Variants in STN1 observed in about 807,000 individuals in gnomAD.
STN1 encodes STN1 subunit of CST complex.
Under a neutral mutation model 45.5 loss-of-function variants are expected in STN1, and 29 were observed. The ratio of observed to expected loss-of-function variants is 0.64; its 90% confidence interval spans 0.47 to 0.87. STN1 has a LOEUF of 0.87. Among genes scored for constraint, STN1 ranks in the 40% least tolerant of loss-of-function variants. The pLI is 0.00. For synonymous variants in STN1, 148 were observed against 159.0 expected, an observed-to-expected ratio of 0.93 and a Z score of 0.52; for missense variants, 376 against 441.4, an observed-to-expected ratio of 0.85 and a Z score of 1.33.
At chr10:103,903,015 T>C (rs1843219144) in intron 4 of STN1, among the ~76,000 whole-genome samples, 1 of 152,234 alleles carries the variant, frequency 6.6e-6, no homozygotes, top group African/African-American at 2.4e-5. Flanking sequence ...AAGAATTATA[T>C]ATTCCTGATG....
rs531345594 is a variant in STN1 at position 103,881,674 on chromosome 10, G to A, written c.*1010C>T. 3.3e-5 allele frequency among the ~76,000 whole-genome samples: 5 copies of A among 152,314 alleles called. No individual in the cohort carries two copies. The highest frequency in any genetic ancestry group is 3.4e-3 in the Middle Eastern group (1 of 294). On this transcript the variant is annotated 3_prime_UTR_variant, in exon 10 of 10. Transcript: ENST00000224950. ...CACATCAAGAGCAAATGCAGCAGACGAAGGCAGTGCCTTCTGTGAAATGAC... is the reference window on the plus strand; with the variant it reads ...CACATCAAGAGCAAATGCAGCAGACAAAGGCAGTGCCTTCTGTGAAATGAC...
Position 103,880,436 on chromosome 10 carries a change from C to CAGA in STN1, c.*2247_*2248insTCT, listed in dbSNP as rs542106549. ...ACCAGCAATCTGGTCTTTTAGCCTT[C>CAGA]AGGCTGATCTTTGCTTGAACGTGGG... On this transcript the variant is annotated 3_prime_UTR_variant, in exon 10 of 10. Transcript: ENST00000224950. Among the ~76,000 whole-genome samples the CAGA allele has an allele frequency of 2.8e-4, 43 of 152,340 alleles. 2 individuals carry two copies. In the South Asian group the frequency reaches 8.7e-3, roughly 31 times the overall value.
At position 103,882,028 on chromosome 10, in the gene STN1, C is replaced by T. The variant is rs1421299737; in HGVS notation, c.*656G>A. Among the ~76,000 whole-genome samples, 1 of 152,234 alleles carries T rather than the reference C, an allele frequency of 6.6e-6. No homozygotes were observed. Among genetic ancestry groups the T allele is most frequent in the East Asian group, 1.9e-4 (1 of 5,202 alleles). ...AAGTGCAGGGAAATGTACTGGGACACCTTTCGATTCCCAAGGAAATAAAAG... is the reference window on the plus strand; with the variant it reads ...AAGTGCAGGGAAATGTACTGGGACATCTTTCGATTCCCAAGGAAATAAAAG... On this transcript the variant is annotated 3_prime_UTR_variant, in exon 10 of 10. Coordinates refer to ENST00000224950, the MANE Select transcript of STN1 (RefSeq NM_024928.5).
chr10:103,913,550 TGAG>T (rs1439226896), intron 2 of STN1, among the ~76,000 whole-genome samples: 2 of 151,656 alleles, frequency 1.3e-5, no homozygotes, highest in Admixed American at 1.3e-4. Context: ...GAAAAGCAAC[TGAG>T]GAGGAAATAC....
At chr10:103,906,986 C>T (rs778491291) in intron 3 of STN1, among the ~76,000 whole-genome samples, 10 of 152,102 alleles carry the variant, frequency 6.6e-5, no homozygotes, top group African/African-American at 1.2e-4. Context: ...AAGCCAGGTG[C>T]GGTGGCACAT....
intron 4 of STN1, among the ~76,000 whole-genome samples, chr10:103,901,477 TCA>T: frequency 6.6e-6 from 1 of 152,352 alleles, no homozygotes; most frequent in South Asian, 2.1e-4. Context: ...GACGTGAATC[TCA>T]GTTTACCTCC....
intron 4 of STN1, among the ~76,000 whole-genome samples, chr10:103,900,467 A>G (rs947332954): frequency 3.9e-5 from 6 of 152,208 alleles, no homozygotes; most frequent in Non-Finnish European, 7.4e-5. Context: ...CCAGCGGGCA[A>G]GTTCCGACAG....
chr10:103,893,584 G>C (rs765395991), intron 7 of STN1, among the ~76,000 whole-genome samples: 2 of 152,172 alleles, frequency 1.3e-5, no homozygotes, highest in Non-Finnish European at 2.9e-5. Context: ...TACCTCTATT[G>C]AAAGGTACTT....
intron 7 of STN1, among the ~76,000 whole-genome samples, chr10:103,893,179 C>CT (rs879777071): frequency 1.4e-3 from 209 of 146,778 alleles, no homozygotes; most frequent in Admixed American, 9.6e-3. Context: ...AGTACAGATC[C>CT]TTTTTTTTTT....
rs568797061 is a variant in STN1, at chr10:103,917,700, G to A, written c.-62-44C>T. ...TGAGGATGCAATGCGTTTAACGTGGGTCAAAGTGGCACGGCCCTGACGCTG... is the reference window on the plus strand; with the variant it reads ...TGAGGATGCAATGCGTTTAACGTGGATCAAAGTGGCACGGCCCTGACGCTG... On this transcript the variant is annotated intron_variant, in intron 1 of 9. Coordinates refer to ENST00000224950, the MANE Select transcript of STN1 (RefSeq NM_024928.5). 6.0e-6 allele frequency: 8 copies of A among 1,338,280 alleles called. No homozygotes were observed. In the East Asian group the frequency reaches 1.9e-4, roughly 32 times the overall value. 82.9% of individuals were successfully genotyped at this position (1,338,280 alleles called of 1,614,324 possible). A position where few individuals can be genotyped will look rare whatever the true frequency, so the allele number is the denominator to read the frequency against.
At chr10:103,916,837 G>A (rs1843335903) in intron 2 of STN1, among the ~76,000 whole-genome samples, 1 of 151,248 alleles carries the variant, frequency 6.6e-6, no homozygotes, top group Non-Finnish European at 1.5e-5. Flanking sequence ...ATAATGCCTT[G>A]TTGCTTCAAC....
chr10:103,912,245 A>C (rs144300014), intron 2 of STN1, among the ~76,000 whole-genome samples: 281 of 152,046 alleles, frequency 1.8e-3, no homozygotes, highest in African/African-American at 6.3e-3. Flanking sequence ...TTTCATAGAG[A>C]TGGGGTCTCT....
chr10:103,887,654 T>A (rs570657768), intron 9 of STN1, among the ~76,000 whole-genome samples: 1 of 152,206 alleles, frequency 6.6e-6, no homozygotes, highest in Non-Finnish European at 1.5e-5. Flanking sequence ...AGTGTAGTAG[T>A]GCCAGGTGAT....
At chr10:103,913,942 G>A (rs1376814393) in intron 2 of STN1, among the ~76,000 whole-genome samples, 1 of 152,104 alleles carries the variant, frequency 6.6e-6, no homozygotes, top group Non-Finnish European at 1.5e-5. Flanking sequence ...AGGGTTCAGG[G>A]ATCTAGGGTC....
chr10:103,899,933 T>TA (rs930816282), intron 5 of STN1, 129 bp downstream of exon 5: 8 of 686,372 alleles, frequency 1.2e-5, no homozygotes, highest in African/African-American at 5.4e-5. Flanking sequence ...TTAAACAATG[T>TA]AATTCACTCA....
At chr10:103,901,512 A>T (rs1469584123) in intron 4 of STN1, among the ~76,000 whole-genome samples, 1 of 152,198 alleles carries the variant, frequency 6.6e-6, no homozygotes, top group Non-Finnish European at 1.5e-5. Flanking sequence ...AATCTTGGGC[A>T]GGCTGCTTAA....
At position 103,906,123 on chromosome 10, in the gene STN1, C is replaced by T. The variant is rs549456665; in HGVS notation, c.230-967G>A. Among the ~76,000 whole-genome samples the T allele has an allele frequency of 2.0e-5, 3 of 152,134 alleles. No homozygotes were observed. In the South Asian group the frequency reaches 6.2e-4, roughly 32 times the overall value. On this transcript the variant is annotated intron_variant, in intron 3 of 9. Transcript: ENST00000224950. Reference sequence around the variant, plus strand: ...AAGAAAAAGCCAAAAAGAGTACTTCCTATACTAAAATAAATCCTAGATGGG... The same window carrying T: ...AAGAAAAAGCCAAAAAGAGTACTTCTTATACTAAAATAAATCCTAGATGGG...
At chr10:103,884,893 C>T (rs1437901160) in intron 9 of STN1, among the ~76,000 whole-genome samples, 1 of 152,152 alleles carries the variant, frequency 6.6e-6, no homozygotes, top group East Asian at 1.9e-4. Context: ...TTACTCCTTC[C>T]AACTGGGATT....
intron 9 of STN1, among the ~76,000 whole-genome samples, chr10:103,884,715 A>T (rs34379047): frequency 0.071 from 10,789 of 152,278 alleles, 466 homozygotes; most frequent in Non-Finnish European, 0.1. Flanking sequence ...AGCACGGTTC[A>T]AGGTTTGGTG....
Sources: gnomAD v4.1 joint callset for allele counts (sites outside exome capture counted in the v4.1 genomes callset) on GRCh38, gnomAD v4.1.1 for gene constraint, MANE v1.5 for transcripts, NCBI Gene and HGNC (gene_info 2026-07-23, HGNC 2026-07-21) for gene names.